Variants in NKAIN2 observed in about 807,000 individuals in gnomAD.
NKAIN2 encodes the protein sodium/potassium-transporting ATPase subunit beta-1-interacting protein 2.
NKAIN2 carries 14 observed loss-of-function variants against 32.6 expected under a neutral mutation model. The ratio of observed to expected loss-of-function variants is 0.43; its 90% CI spans 0.28 to 0.67. The LOEUF (loss-of-function observed/expected upper bound fraction) is 0.67. Among genes scored for constraint, NKAIN2 ranks in the 30% least tolerant of loss-of-function variants. The probability of loss-of-function intolerance (pLI) is 0.17; values close to 1 mark genes in which losing one functional copy is unlikely to be tolerated. For missense variants in NKAIN2, 198 were observed against 258.3 expected, an observed-to-expected ratio of 0.77 and a Z score of 1.60; for synonymous variants, 80 against 87.2, an observed-to-expected ratio of 0.92 and a Z score of 0.46.
intron 1 of NKAIN2, among the ~76,000 whole-genome samples, chr6:124,256,678 T>C (rs1793949597): frequency 6.6e-6 from 1 of 152,132 alleles, no homozygotes; most frequent in East Asian, 1.9e-4. Flanking sequence ...TATCTGTGCC[T>C]CAGTTTCTTC....
chr6:124,537,245 G>C (rs560983579), intron 3 of NKAIN2, among the ~76,000 whole-genome samples: 1 of 152,216 alleles, frequency 6.6e-6, no homozygotes, highest in Non-Finnish European at 1.5e-5. Flanking sequence ...AATGGTGGAA[G>C]AGGAAATTAA....
chr6:124,063,172 G>A (rs1281873053), intron 1 of NKAIN2, among the ~76,000 whole-genome samples: 1 of 151,662 alleles, frequency 6.6e-6, no homozygotes, highest in Non-Finnish European at 1.5e-5. Flanking sequence ...GCAACACAGT[G>A]AGACTCCATC....
chr6:124,780,677 C>A (rs533308150), intron 4 of NKAIN2, among the ~76,000 whole-genome samples: 1 of 152,100 alleles, frequency 6.6e-6, no homozygotes, highest in Non-Finnish European at 1.5e-5. Flanking sequence ...AAAGAGTTAT[C>A]GTTTAGATTT....
At chr6:124,225,689 T>C (rs1440293451) in intron 1 of NKAIN2, among the ~76,000 whole-genome samples, 1 of 151,928 alleles carries the variant, frequency 6.6e-6, no homozygotes, top group East Asian at 1.9e-4. Flanking sequence ...AACACTTATT[T>C]TTATTGATTA....
At chr6:124,529,640 C>G (rs183306716) in intron 3 of NKAIN2, among the ~76,000 whole-genome samples, 1 of 152,060 alleles carries the variant, frequency 6.6e-6, no homozygotes, top group African/African-American at 2.4e-5. Flanking sequence ...TCACCTGGCC[C>G]GAGGCTTAGG....
intron 4 of NKAIN2, among the ~76,000 whole-genome samples, chr6:124,746,544 AG>A (rs1311519805): frequency 1.3e-5 from 2 of 151,860 alleles, no homozygotes; most frequent in African/African-American, 4.8e-5. Flanking sequence ...ATAAAAGAAG[AG>A]AATGTCAAAT....
intron 1 of NKAIN2, among the ~76,000 whole-genome samples, chr6:123,805,384 G>T (rs1344136029): frequency 6.6e-6 from 1 of 152,218 alleles, no homozygotes. Context: ...CAGTTGTCGT[G>T]AAGCCCATGA....
intron 4 of NKAIN2, 23 bp downstream of exon 4, chr6:124,658,409 T>A: frequency 6.2e-7 from 1 of 1,614,114 alleles, no homozygotes; most frequent in Non-Finnish European, 8.5e-7. Flanking sequence ...AGCCAACCGC[T>A]CCTTCTAGTG....
chr6:123,952,399 G>A (rs1423502754), intron 1 of NKAIN2, among the ~76,000 whole-genome samples: 1 of 151,980 alleles, frequency 6.6e-6, no homozygotes, highest in East Asian at 1.9e-4. Flanking sequence ...TATTTTTGGG[G>A]ATCTCTGAGA....
chr6:124,421,914 T>C (rs1774771535), intron 3 of NKAIN2, among the ~76,000 whole-genome samples: 1 of 152,152 alleles, frequency 6.6e-6, no homozygotes, highest in Non-Finnish European at 1.5e-5. Flanking sequence ...GCATCTGCTG[T>C]TTCTCAATTG....
chr6:123,843,001 C>T (rs1319862758), intron 1 of NKAIN2, among the ~76,000 whole-genome samples: 6 of 152,148 alleles, frequency 3.9e-5, no homozygotes, highest in African/African-American at 4.8e-5. Flanking sequence ...AGCAAGTGCA[C>T]GAGCTGGGGC....
At chr6:124,123,857 G>T (rs1776431554) in intron 1 of NKAIN2, among the ~76,000 whole-genome samples, 1 of 152,044 alleles carries the variant, frequency 6.6e-6, no homozygotes, top group South Asian at 2.1e-4. Flanking sequence ...TTAAAACAAA[G>T]TTGATTGCCT....
chr6:123,970,110 G>GAGAT (rs1554230880), intron 1 of NKAIN2, among the ~76,000 whole-genome samples: 6 of 149,278 alleles, frequency 4.0e-5, no homozygotes, highest in Admixed American at 2.7e-4. Context: ...TTATTAAATG[G>GAGAT]ATATATATAT....
intron 3 of NKAIN2, among the ~76,000 whole-genome samples, chr6:124,476,061 AGAGAGTGTGT>A (rs1240855145): frequency 5.8e-4 from 50 of 85,702 alleles, no homozygotes; most frequent in South Asian, 2.6e-3. Flanking sequence ...AGAGAGAGAG[AGAGAGTGTGT>A]GTGTGTGTGT....
At chr6:124,489,631 A>T (rs12528244) in intron 3 of NKAIN2, among the ~76,000 whole-genome samples, 1 of 151,904 alleles carries the variant, frequency 6.6e-6, no homozygotes, top group Non-Finnish European at 1.5e-5. Context: ...TTTATTAAAG[A>T]CAATTCTGAA....
intron 1 of NKAIN2, among the ~76,000 whole-genome samples, chr6:124,242,608 G>T (rs1357516098): frequency 6.6e-6 from 1 of 152,048 alleles, no homozygotes; most frequent in African/African-American, 2.4e-5. Flanking sequence ...TGTTTATGCA[G>T]CACTATTCAC....
intron 1 of NKAIN2, among the ~76,000 whole-genome samples, chr6:124,075,203 T>C (rs563086697): frequency 6.6e-6 from 1 of 152,254 alleles, no homozygotes; most frequent in African/African-American, 2.4e-5. Flanking sequence ...TACCAGAACA[T>C]AATTAGTTAA....
chr6:124,380,835 T>C (rs1203674202), intron 3 of NKAIN2, among the ~76,000 whole-genome samples: 1 of 152,210 alleles, frequency 6.6e-6, no homozygotes, highest in East Asian at 1.9e-4. Flanking sequence ...GATAAAAGAT[T>C]CATTTGAAGT....
intron 3 of NKAIN2, among the ~76,000 whole-genome samples, chr6:124,591,394 G>A (rs1198943084): frequency 6.6e-6 from 1 of 152,100 alleles, no homozygotes; most frequent in East Asian, 1.9e-4. Flanking sequence ...TATGGGGAGA[G>A]GATGCAGAAA....
Sources: gnomAD v4.1 joint callset for allele counts (sites outside exome capture counted in the v4.1 genomes callset) on GRCh38, gnomAD v4.1.1 for gene constraint, MANE v1.5 for transcripts, NCBI Gene and HGNC (gene_info 2026-07-23, HGNC 2026-07-21) for gene names.